The following PRKCA variants were observed in gnomAD, a reference collection of about 807,000 sequenced individuals.
The protein encoded by PRKCA is protein kinase C alpha type.
A neutral mutation model predicts 87.0 loss-of-function variants in PRKCA; 27 were observed. The ratio of observed to expected loss-of-function variants is 0.31; its 90% confidence interval spans 0.23 to 0.43. PRKCA has a LOEUF of 0.43. Among genes scored for constraint, PRKCA ranks in the 20% least tolerant of loss-of-function variants. The pLI is 1.00. For synonymous variants in PRKCA, 329 were observed against 311.1 expected (o/e 1.06, Z -0.61); for missense variants, 518 against 852.3 (o/e 0.61, Z 4.88).
At chr17:66,793,138 G>A (rs976827709) in intron 16 of PRKCA, among the ~76,000 whole-genome samples, 8 of 152,134 alleles carry the variant, frequency 5.3e-5, no homozygotes, top group Non-Finnish European at 1.2e-4. Context: ...AGCTGGTTTC[G>A]GGGATCTCTT....
chr17:66,802,420 G>A (rs571279996), intron 16 of PRKCA, among the ~76,000 whole-genome samples: 1 of 152,040 alleles, frequency 6.6e-6, no homozygotes, highest in Non-Finnish European at 1.5e-5. Context: ...AGCTACTCGG[G>A]AGGCTGAGGC....
chr17:66,729,100 C>T (rs1332483489), intron 8 of PRKCA, among the ~76,000 whole-genome samples: 1 of 152,132 alleles, frequency 6.6e-6, no homozygotes, highest in Non-Finnish European at 1.5e-5. Flanking sequence ...TTTGCACTTC[C>T]TATGTATTCT....
chr17:66,635,547 A>G (rs767315486), intron 3 of PRKCA, among the ~76,000 whole-genome samples: 1 of 152,162 alleles, frequency 6.6e-6, no homozygotes, highest in Non-Finnish European at 1.5e-5. Context: ...AAGCGTCCTA[A>G]TTCTGCTTTT....
chr17:66,379,561 T>C (rs1374055598), intron 2 of PRKCA, among the ~76,000 whole-genome samples: 1 of 152,240 alleles, frequency 6.6e-6, no homozygotes, highest in Non-Finnish European at 1.5e-5. Flanking sequence ...CTTTTAGTGA[T>C]GCCCTTTGAA....
intron 13 of PRKCA, among the ~76,000 whole-genome samples, chr17:66,760,240 A>C (rs1974652246): frequency 6.6e-6 from 1 of 152,232 alleles, no homozygotes; most frequent in African/African-American, 2.4e-5. Context: ...CTAAACTAAA[A>C]ATCAATAACA....
intron 3 of PRKCA, among the ~76,000 whole-genome samples, chr17:66,621,427 C>T (rs969386925): frequency 2.0e-5 from 3 of 152,158 alleles, no homozygotes; most frequent in African/African-American, 7.2e-5. Context: ...TGTTTAAAAA[C>T]ATACTTTGCT....
rs548114746 is a variant in PRKCA, at chr17:66,793,325, C to G, written c.1854+4346C>G. 1.3e-3 allele frequency among the ~76,000 whole-genome samples: 204 copies of G among 152,246 alleles called. 1 individual carries two copies. The highest frequency in any genetic ancestry group is 4.8e-3 in the African/African-American group (198 of 41,550). ...GGCCTGTAGGCCAGGCGTGGTGGCT[C>G]ACGCCTGTAATCCCAGCACTTTGGG... On this transcript the variant is annotated intron_variant, in intron 16 of 16. Transcript: ENST00000413366.
intron 3 of PRKCA, among the ~76,000 whole-genome samples, chr17:66,625,878 C>G (rs1272037140): frequency 6.6e-6 from 1 of 152,182 alleles, no homozygotes; most frequent in African/African-American, 2.4e-5. Context: ...ACCTCCGTCT[C>G]TTCATCTTTA....
chr17:66,306,054 G>A (rs941277462), intron 1 of PRKCA, 42 bp from the exon 2 acceptor site: 2 of 1,594,384 alleles, frequency 1.3e-6, no homozygotes, highest in African/African-American at 1.3e-5. Flanking sequence ...CTATCCAACA[G>A]AAAATATGTT....
At chr17:66,418,440 C>CTTT (rs113526885) in intron 2 of PRKCA, among the ~76,000 whole-genome samples, 2 of 142,244 alleles carry the variant, frequency 1.4e-5, no homozygotes, top group Non-Finnish European at 1.5e-5. Flanking sequence ...TTGTTTTAGC[C>CTTT]TTTTTTTTTT....
intron 2 of PRKCA, among the ~76,000 whole-genome samples, chr17:66,397,419 A>C (rs1910760933): frequency 6.6e-6 from 1 of 151,704 alleles, no homozygotes; most frequent in Non-Finnish European, 1.5e-5. Context: ...TATAATTTTA[A>C]GGGAATTTAT....
chr17:66,715,815 TA>T (rs1973459418), intron 8 of PRKCA, among the ~76,000 whole-genome samples: 1 of 152,164 alleles, frequency 6.6e-6, no homozygotes, highest in African/African-American at 2.4e-5. Context: ...TTCACCTCGG[TA>T]AGGCAGACTA....
intron 3 of PRKCA, among the ~76,000 whole-genome samples, chr17:66,571,988 G>A (rs1969092102): frequency 1.3e-5 from 2 of 152,118 alleles, no homozygotes; most frequent in African/African-American, 2.4e-5. Context: ...TCCGTCTGAC[G>A]TGCCACTCCA....
chr17:66,643,607 C>G (rs1427387045), intron 4 of PRKCA, among the ~76,000 whole-genome samples: 1 of 152,154 alleles, frequency 6.6e-6, no homozygotes, highest in Non-Finnish European at 1.5e-5. Context: ...AACCGCTGAC[C>G]TGGACCAATG....
intron 2 of PRKCA, among the ~76,000 whole-genome samples, chr17:66,492,233 G>A (rs894926935): frequency 6.6e-6 from 1 of 152,160 alleles, no homozygotes; most frequent in African/African-American, 2.4e-5. Context: ...GGGTAGTTAA[G>A]GCAGGTTGGG....
chr17:66,322,966 A>G (rs975800297), intron 2 of PRKCA, among the ~76,000 whole-genome samples: 1 of 152,144 alleles, frequency 6.6e-6, no homozygotes, highest in African/African-American at 2.4e-5. Context: ...CATCCCTCCC[A>G]CCAAAGTAAT....
At chr17:66,741,803 C>T in intron 12 of PRKCA, 82 bp downstream of exon 12, 1 of 1,421,658 alleles carries the variant, frequency 7.0e-7, no homozygotes, top group African/African-American at 1.4e-5. Context: ...GGAATGGTGA[C>T]TTAAGACACA....
chr17:66,765,454 A>ATATATATATATATC (rs1218360664), intron 13 of PRKCA, among the ~76,000 whole-genome samples: 62 of 130,056 alleles, frequency 4.8e-4, no homozygotes, highest in Middle Eastern at 4.0e-3. Flanking sequence ...ATATATATAT[A>ATATATATATATATC]TCCATATATA....
intron 2 of PRKCA, among the ~76,000 whole-genome samples, chr17:66,490,416 T>C (rs1916191621): frequency 6.6e-6 from 1 of 151,398 alleles, no homozygotes; most frequent in South Asian, 2.1e-4. Context: ...GGATCTCAGC[T>C]CACTGCAACC....
Sources: gnomAD v4.1 joint callset for allele counts (sites outside exome capture counted in the v4.1 genomes callset) on GRCh38, gnomAD v4.1.1 for gene constraint, MANE v1.5 for transcripts, NCBI Gene and HGNC (gene_info 2026-07-23, HGNC 2026-07-21) for gene names.